ZNF257: variants seen among roughly 807,000 people sequenced by gnomAD.
ZNF257 encodes zinc finger protein 257.
ZNF257 carries 12 observed loss-of-function variants against 11.9 expected under a neutral mutation model. The ratio of observed to expected loss-of-function variants is 1.01; its 90% confidence interval spans 0.65 to 1.63. ZNF257 has a LOEUF of 1.63. Among genes scored for constraint, ZNF257 ranks in the 40% most tolerant of loss-of-function variants. The probability of loss-of-function intolerance (pLI) is 0.00; values close to 1 mark genes in which losing one functional copy is unlikely to be tolerated. For synonymous variants in ZNF257, 183 were observed against 222.7 expected (o/e 0.82, Z 1.59); for missense variants, 580 against 665.5 (o/e 0.87, Z 1.41).
intron 3 of ZNF257, among the ~76,000 whole-genome samples, chr19:22,080,379 AT>A (rs1376801877): frequency 1.3e-5 from 2 of 152,120 alleles, no homozygotes; most frequent in African/African-American, 4.8e-5. Context: ...TGTAATCAAA[AT>A]TTTACATTCT....
At chr19:22,082,439 T>C (rs1599672709) in intron 3 of ZNF257, among the ~76,000 whole-genome samples, 1 of 152,288 alleles carries the variant, frequency 6.6e-6, no homozygotes. Context: ...CTCCTAAAAC[T>C]GTAAGATTAC....
intron 1 of ZNF257, among the ~76,000 whole-genome samples, chr19:22,071,961 C>G (rs990909426): frequency 5.9e-5 from 9 of 152,114 alleles, no homozygotes; most frequent in Non-Finnish European, 1.0e-4. Context: ...AATACTTGCT[C>G]TCTAGGGTGC....
intron 1 of ZNF257, among the ~76,000 whole-genome samples, chr19:22,062,218 G>A (rs2021817914): frequency 7.4e-6 from 1 of 134,888 alleles, no homozygotes; most frequent in Non-Finnish European, 1.6e-5. Context: ...CCACCACTGC[G>A]CCTGCTTTTT....
Position 22,088,137 on chromosome 19 carries a change from T to C in ZNF257, c.387T>C (p.Gly129=). The part of the protein sequence containing the change: ...SVDECKVCKG[G]YNGLNQCLIT... ...ATGAGTGTAAGGTGTGCAAAGGAGG[T>C]TATAATGGACTTAACCAATGTCTGA... Residue 129 remains glycine, a synonymous_variant, in exon 4 of 4, where the codon GGT becomes GGC. Coordinates refer to ENST00000594947, the MANE Select transcript of ZNF257 (RefSeq NM_033468.4). 9 of 1,605,766 alleles carry C rather than the reference T, an allele frequency of 5.6e-6. No homozygotes were observed. The highest frequency in any genetic ancestry group is 7.7e-6 in the Non-Finnish European group (9 of 1,174,698).
At chr19:22,085,195 G>A (rs2022449102) in intron 3 of ZNF257, among the ~76,000 whole-genome samples, 1 of 151,770 alleles carries the variant, frequency 6.6e-6, no homozygotes, top group Admixed American at 6.6e-5. Context: ...TGGGATCACA[G>A]GCATGCACCA....
Position 22,073,546 on chromosome 19 carries a change from A to G in ZNF257, c.208A>G (p.Met70Val). 2 of 1,611,542 alleles carry G rather than the reference A, an allele frequency of 1.2e-6. No individual in the cohort carries two copies. The highest frequency in any genetic ancestry group is 1.7e-6 in the Non-Finnish European group (2 of 1,178,934). Residue 70 changes from methionine to valine, a missense_variant, in exon 3 of 4, where the codon ATG becomes GTG. Coordinates refer to ENST00000594947, the MANE Select transcript of ZNF257 (RefSeq NM_033468.4). ...KEPCNMKRHE[M>V]VAKPPVMCSH... ...GCCCTGTAATATGAAGAGACATGAG[A>G]TGGTAGCCAAACCCCCAGGTAGGTG...
intron 1 of ZNF257, among the ~76,000 whole-genome samples, chr19:22,053,781 G>C (rs927857532): frequency 6.6e-6 from 1 of 151,786 alleles, no homozygotes; most frequent in African/African-American, 2.4e-5. Flanking sequence ...CAAAATTAGC[G>C]GGGCGTGGTA....
At chr19:22,080,853 CATTA>C (rs1599671932) in intron 3 of ZNF257, among the ~76,000 whole-genome samples, 2 of 148,758 alleles carry the variant, frequency 1.3e-5, no homozygotes, top group Non-Finnish European at 3.0e-5. Flanking sequence ...TTATTAAATA[CATTA>C]ATTATATTAT....
chr19:22,073,060 G>T (rs1459007849), intron 2 of ZNF257, 125 bp downstream of exon 2: 1 of 1,142,132 alleles, frequency 8.8e-7, no homozygotes, highest in African/African-American at 1.6e-5. Flanking sequence ...TTGCATAAAT[G>T]AGTTTCATAT....
intron 1 of ZNF257, among the ~76,000 whole-genome samples, chr19:22,067,817 G>A (rs548752917): frequency 1.2e-4 from 18 of 151,930 alleles, no homozygotes; most frequent in Admixed American, 3.3e-4. Flanking sequence ...CTGGGTGACA[G>A]AGCGAGACTC....
intron 3 of ZNF257, among the ~76,000 whole-genome samples, chr19:22,084,431 A>C (rs970955931): frequency 6.6e-6 from 1 of 150,794 alleles, no homozygotes; most frequent in African/African-American, 2.4e-5. Flanking sequence ...AATGCCTCCA[A>C]CATTGTTTCT....
intron 3 of ZNF257, among the ~76,000 whole-genome samples, chr19:22,077,153 A>G (rs2022245836): frequency 6.6e-6 from 1 of 152,028 alleles, no homozygotes; most frequent in Non-Finnish European, 1.5e-5. Flanking sequence ...CTCTCTCCAC[A>G]CACAAAAAAT....
intron 2 of ZNF257, 142 bp from the exon 3 acceptor site, chr19:22,073,327 T>C: frequency 9.4e-7 from 1 of 1,065,836 alleles, no homozygotes; most frequent in Non-Finnish European, 1.3e-6. Flanking sequence ...ATTTTCTAAA[T>C]ATTTAGAAAT....
At position 22,053,366 on chromosome 19, in the gene ZNF257, CAAAAAAAAAA is replaced by C. The variant is rs61426953; in HGVS notation, c.3+750_3+759del. Among the ~76,000 whole-genome samples the C allele has an allele frequency of 3.1e-4, 24 of 76,500 alleles. No homozygotes were observed. In the East Asian group the frequency reaches 5.3e-3, roughly 17 times the overall value. 50.2% of individuals were successfully genotyped at this position (76,500 alleles called of 152,430 possible). On this transcript the variant is annotated intron_variant, in intron 1 of 3. Transcript: ENST00000594947. ...CTGAAGACAGAGCGAGACTCCGTCT[CAAAAAAAAAA>C]AAAAAAAAAAAAAAAAAATTGTAAA...
intron 3 of ZNF257, among the ~76,000 whole-genome samples, chr19:22,074,200 A>G (rs2145704538): frequency 6.6e-6 from 1 of 152,072 alleles, no homozygotes; most frequent in Non-Finnish European, 1.5e-5. Flanking sequence ...TTGAACCTAT[A>G]TTTATTGAAT....
chr19:22,071,703 G>A (rs2022107861), intron 1 of ZNF257, among the ~76,000 whole-genome samples: 1 of 151,974 alleles, frequency 6.6e-6, no homozygotes, highest in East Asian at 1.9e-4. Context: ...CTCCTTCTAT[G>A]CCACGCAGAA....
chr19:22,067,005 C>T (rs2021965428), intron 1 of ZNF257, among the ~76,000 whole-genome samples: 2 of 151,710 alleles, frequency 1.3e-5, no homozygotes, highest in Admixed American at 6.6e-5. Flanking sequence ...TCTAGAATTA[C>T]CAGACATGAT....
At chr19:22,087,951 T>A (rs1168743069) in intron 3 of ZNF257, 26 bp from the exon 4 acceptor site, 1 of 1,457,352 alleles carries the variant, frequency 6.9e-7, no homozygotes, top group Non-Finnish European at 9.1e-7. Flanking sequence ...GTAAGTGGAG[T>A]AATTTGTTGT....
rs770160691 is a variant in ZNF257, at chr19:22,052,653, G to A, written c.3+18G>A. ...TAGAAATGGTGAGAGTGCTGGGTCC[G>A]ACATCCTGGGAGAGGGGAAGGGGGT... On this transcript the variant is annotated intron_variant, in intron 1 of 3. Transcript: ENST00000594947. 1.2e-6 allele frequency: 2 copies of A among 1,605,976 alleles called. No individual in the cohort carries two copies. Among genetic ancestry groups the A allele is most frequent in the Non-Finnish European group, 1.7e-6 (2 of 1,174,990 alleles).
Sources: gnomAD v4.1 joint callset for allele counts (sites outside exome capture counted in the v4.1 genomes callset) on GRCh38, gnomAD v4.1.1 for gene constraint, MANE v1.5 for transcripts, NCBI Gene and HGNC (gene_info 2026-07-23, HGNC 2026-07-21) for gene names.